Variants in YES1 observed in about 807,000 individuals in gnomAD.
YES1 encodes the protein tyrosine-protein kinase Yes.
YES1 carries 39 observed loss-of-function variants against 70.4 expected under a neutral mutation model. The observed-to-expected ratio is 0.55, with a 90% confidence interval of 0.43 to 0.72. The LOEUF is 0.72. Ranked by LOEUF, YES1 falls within the 30% of genes least tolerant of loss-of-function variation. The pLI is 0.00. For synonymous variants in YES1, 198 were observed against 218.6 expected, an observed-to-expected ratio of 0.91 and a Z score of 0.83; for missense variants, 495 against 644.8, an observed-to-expected ratio of 0.77 and a Z score of 2.52.
At chr18:785,367 T>C (rs1389830435) in intron 1 of YES1, among the ~76,000 whole-genome samples, 1 of 152,148 alleles carries the variant, frequency 6.6e-6, no homozygotes, top group Admixed American at 6.6e-5. Flanking sequence ...ATAAGAGATA[T>C]CATCTTCCCC....
intron 10 of YES1, 27 bp downstream of exon 10, chr18:736,781 C>T: frequency 6.2e-7 from 1 of 1,604,150 alleles, no homozygotes; most frequent in Non-Finnish European, 8.5e-7. Context: ...CAACACATTA[C>T]AAGCTTTTAT....
At chr18:787,553 T>C (rs1196969512) in intron 1 of YES1, among the ~76,000 whole-genome samples, 2 of 152,000 alleles carry the variant, frequency 1.3e-5, no homozygotes, top group East Asian at 3.9e-4. Context: ...CTACTAAAAA[T>C]ACAAAGATTG....
chr18:790,317 A>G (rs1289977680), intron 1 of YES1, among the ~76,000 whole-genome samples: 2 of 152,202 alleles, frequency 1.3e-5, no homozygotes, highest in East Asian at 1.9e-4. Context: ...CGGAAGTTGC[A>G]ATGAGCCGAG....
intron 1 of YES1, among the ~76,000 whole-genome samples, chr18:806,713 A>G (rs974158429): frequency 2.6e-5 from 4 of 152,252 alleles, no homozygotes; most frequent in African/African-American, 4.8e-5. Context: ...GTGTTTTGAC[A>G]TAAGTGTTTT....
At chr18:775,023 A>T (rs1905309041) in intron 1 of YES1, 1 of 152,114 alleles carries the variant, frequency 6.6e-6, no homozygotes, top group South Asian at 2.1e-4. Context: ...TCAGAGACAG[A>T]GTGTCTGGGT....
chr18:748,045 G>A lies in YES1; in HGVS notation c.372-27C>T, dbSNP rs183611645. On this transcript the variant is annotated intron_variant, in intron 3 of 11. Transcript: ENST00000314574. ...TGCAACACATAAAACAGCAATCACCGCAAGGTAGACTATTGCCCAAGGTAC... is the reference window on the plus strand; with the variant it reads ...TGCAACACATAAAACAGCAATCACCACAAGGTAGACTATTGCCCAAGGTAC... 17 of 1,597,550 alleles carry A rather than the reference G, an allele frequency of 1.1e-5. No homozygotes were observed. The East Asian group carries it at 1.1e-4, about 10-fold the overall frequency.
chr18:798,400 C>A (rs62088357), intron 1 of YES1, among the ~76,000 whole-genome samples: 1 of 152,056 alleles, frequency 6.6e-6, no homozygotes, highest in Non-Finnish European at 1.5e-5. Flanking sequence ...GCTTCACAAC[C>A]CTCTTTTCTA....
intron 11 of YES1, among the ~76,000 whole-genome samples, chr18:730,680 A>G (rs954384241): frequency 6.6e-6 from 1 of 152,214 alleles, no homozygotes; most frequent in Non-Finnish European, 1.5e-5. Flanking sequence ...AGAAAAGCCA[A>G]TATAAATGGG....
Position 724,277 on chromosome 18 carries a change from T to G in YES1, c.*147A>C. On this transcript the variant is annotated 3_prime_UTR_variant, in exon 12 of 12. Coordinates refer to ENST00000314574, the MANE Select transcript of YES1 (RefSeq NM_005433.4). ...AGTTTAATACTTGGGGAAAAAAAAGTGGTTTTGTGCAACCATATCTGGGAT... is the reference window on the plus strand; with the variant it reads ...AGTTTAATACTTGGGGAAAAAAAAGGGGTTTTGTGCAACCATATCTGGGAT... The G allele has an allele frequency of 1.4e-6, 1 of 718,258 alleles. No homozygotes were observed. The highest frequency in any genetic ancestry group is 2.3e-6 in the Non-Finnish European group (1 of 440,570). 44.5% of individuals were successfully genotyped at this position (718,258 alleles called of 1,614,324 possible). A position where few individuals can be genotyped will look rare whatever the true frequency, so the allele number is the denominator to read the frequency against.
rs781657070 is a variant in YES1 at position 747,885 on chromosome 18, C to T, written c.470+35G>A. The T allele has an allele frequency of 1.9e-6, 3 of 1,594,034 alleles. No individual in the cohort carries two copies. The South Asian group carries it at 3.3e-5, about 18-fold the overall frequency. ...ATGTGCATTAAAACATTTCAAAAAT[C>T]AAAATAATTAATAAAATATGAAGTA... On this transcript the variant is annotated intron_variant, in intron 4 of 11. Transcript: ENST00000314574.
intron 1 of YES1, among the ~76,000 whole-genome samples, chr18:769,868 T>C (rs1426526811): frequency 1.3e-5 from 2 of 152,322 alleles, no homozygotes; most frequent in Non-Finnish European, 2.9e-5. Flanking sequence ...CATTGTTCTT[T>C]AGTAGTATTT....
Position 736,970 on chromosome 18 carries a change from G to C in YES1, c.1138-9C>G. Reference sequence around the variant, plus strand: ...GCCATACCATCAGCAATCTTGGAAAGAGAAAAACAAAAAACACAAGACATA... The same window carrying C: ...GCCATACCATCAGCAATCTTGGAAACAGAAAAACAAAAAACACAAGACATA... On this transcript the variant is annotated splice_polypyrimidine_tract_variant and intron_variant, in intron 9 of 11. Coordinates refer to ENST00000314574, the MANE Select transcript of YES1 (RefSeq NM_005433.4). 6.3e-7 allele frequency: 1 copy of C among 1,593,046 alleles called. No individual in the cohort carries two copies. The highest frequency in any genetic ancestry group is 8.5e-7 in the Non-Finnish European group (1 of 1,174,424).
At chr18:764,686 G>A (rs1285764355) in intron 1 of YES1, among the ~76,000 whole-genome samples, 1 of 152,174 alleles carries the variant, frequency 6.6e-6, no homozygotes, top group East Asian at 1.9e-4. Flanking sequence ...ATGGAAGCCA[G>A]AGATAGATTA....
At chr18:765,247 ACTATATAT>A (rs1453836291) in intron 1 of YES1, among the ~76,000 whole-genome samples, 5 of 62,362 alleles carry the variant, frequency 8.0e-5, no homozygotes, top group African/African-American at 2.8e-4. Flanking sequence ...AAGAGTTACA[ACTATATAT>A]ATATATATAT....
chr18:769,975 C>T (rs1464697553), intron 1 of YES1, among the ~76,000 whole-genome samples: 4 of 141,298 alleles, frequency 2.8e-5, no homozygotes, highest in Non-Finnish European at 6.1e-5. Context: ...TTTTTTGAGA[C>T]GGAGTCTTGC....
chr18:778,752 T>C (rs1046908494), intron 1 of YES1, among the ~76,000 whole-genome samples: 105 of 152,296 alleles, frequency 6.9e-4, no homozygotes, highest in African/African-American at 2.4e-3. Flanking sequence ...CTTTCATTTA[T>C]AAATCCCCTC....
chr18:792,759 A>G (rs192421984), intron 1 of YES1, among the ~76,000 whole-genome samples: 53 of 152,122 alleles, frequency 3.5e-4, no homozygotes, highest in African/African-American at 1.2e-3. Context: ...CCAGGAGTTC[A>G]AGATCAGCCT....
intron 1 of YES1, among the ~76,000 whole-genome samples, chr18:798,651 T>C (rs1379061205): frequency 6.6e-6 from 1 of 152,198 alleles, no homozygotes; most frequent in African/African-American, 2.4e-5. Context: ...AGAAGTGGTA[T>C]GTAGATGGAC....
intron 10 of YES1, chr18:735,641 G>A (rs1032906389): frequency 3.3e-5 from 5 of 152,180 alleles, no homozygotes; most frequent in Non-Finnish European, 7.3e-5. Flanking sequence ...TTGAATCTGG[G>A]AGGCGGAAGT....
Sources: allele counts gnomAD v4.1 joint callset (sites outside exome capture counted in the v4.1 genomes callset), GRCh38; gene constraint gnomAD v4.1.1; transcripts MANE v1.5; gene names NCBI Gene and HGNC (gene_info 2026-07-23, HGNC 2026-07-21).